TRAF3IP3: variants seen among roughly 807,000 people sequenced by gnomAD.
The protein encoded by TRAF3IP3 is TRAF3-interacting JNK-activating modulator.
Under a neutral mutation model 86.5 loss-of-function variants are expected in TRAF3IP3, and 64 were observed. That is an observed-to-expected ratio of 0.74 (90% confidence interval 0.60 to 0.91). The LOEUF is 0.91. Among genes scored for constraint, TRAF3IP3 ranks in the 40% least tolerant of loss-of-function variants. The pLI is 0.00. For missense variants in TRAF3IP3, 579 were observed against 642.9 expected, an observed-to-expected ratio of 0.90 and a Z score of 1.07; for synonymous variants, 220 against 243.9, an observed-to-expected ratio of 0.90 and a Z score of 0.91.
chr1:209,772,942 C>T lies in TRAF3IP3; in HGVS notation c.703-6C>T. 1 of 1,613,748 alleles carries T rather than the reference C, an allele frequency of 6.2e-7. No homozygotes were observed. The highest frequency in any genetic ancestry group is 8.5e-7 in the Non-Finnish European group (1 of 1,179,802). On this transcript the variant is annotated splice_polypyrimidine_tract_variant and splice_region_variant and intron_variant, in intron 8 of 16. Transcript: ENST00000367025. The stretch of plus-strand genomic sequence containing the variant: ...CAAGCTCATTAACTCATCCCATTTG[C>T]TCCAGGGACAGCTTAATGAAGACAA...
intron 1 of TRAF3IP3, chr1:209,758,372 C>A (rs1223239643): frequency 6.6e-6 from 1 of 152,152 alleles, no homozygotes; most frequent in Non-Finnish European, 1.5e-5. Flanking sequence ...CCCCTCCAAC[C>A]CTCAAGAGTC....
intron 9 of TRAF3IP3, among the ~76,000 whole-genome samples, chr1:209,773,359 T>C (rs1284715094): frequency 1.3e-5 from 2 of 152,244 alleles, no homozygotes; most frequent in Non-Finnish European, 2.9e-5. Flanking sequence ...GACAGCCCTT[T>C]ACGCATCCTA....
chr1:209,776,632 TG>T (rs757399049), intron 11 of TRAF3IP3: 17 of 129,090 alleles, frequency 1.3e-4, no homozygotes, highest in Non-Finnish European at 2.0e-4. Context: ...TAAATCTTTG[TG>T]GAAAAAAAAA....
rs144054319 is a variant in TRAF3IP3 at position 209,765,253 on chromosome 1, G to A, written c.702+1666G>A. On this transcript the variant is annotated intron_variant, in intron 8 of 16. Transcript: ENST00000367025. ...AGGAAGGAAGGAAGGAAGGAAGGAA[G>A]GAAGGAAGGAAGGAAGGAAGGAAGG... Among the ~76,000 whole-genome samples, 39 of 129,870 alleles carry A rather than the reference G, an allele frequency of 3.0e-4. 1 individual carries two copies. The highest frequency in any genetic ancestry group is 9.3e-4 in the African/African-American group (30 of 32,350). 85.2% of individuals were successfully genotyped at this position (129,870 alleles called of 152,430 possible).
At chr1:209,778,231 C>T (rs1398673122) in intron 13 of TRAF3IP3, 58 bp downstream of exon 13, 16 of 1,464,126 alleles carry the variant, frequency 1.1e-5, no homozygotes, top group African/African-American at 7.0e-5. Flanking sequence ...TCCTGGCCCA[C>T]AAAAGGCACC....
chr1:209,770,198 G>A (rs2077437045), intron 8 of TRAF3IP3, among the ~76,000 whole-genome samples: 2 of 151,184 alleles, frequency 1.3e-5, no homozygotes, highest in South Asian at 2.1e-4. Context: ...GACTTTCTGG[G>A]AAGCTCCCTT....
At chr1:209,760,730 C>T (rs1346950926) in intron 3 of TRAF3IP3, among the ~76,000 whole-genome samples, 4 of 152,052 alleles carry the variant, frequency 2.6e-5, no homozygotes, top group Non-Finnish European at 5.9e-5. Context: ...GCCAGGAGTT[C>T]GAGACCAGCC....
chr1:209,778,733 A>G (rs2077713013), intron 13 of TRAF3IP3: 1 of 155,180 alleles, frequency 6.4e-6, no homozygotes, highest in Non-Finnish European at 1.4e-5. Flanking sequence ...TTATTAAGAG[A>G]GCAAAGCAAC....
intron 6 of TRAF3IP3, 33 bp from the exon 7 acceptor site, chr1:209,763,330 G>T (rs1267373964): frequency 1.2e-6 from 2 of 1,611,074 alleles, no homozygotes; most frequent in South Asian, 2.2e-5. Context: ...GGGACTTACA[G>T]ACATTTTGAA....
chr1:209,768,385 C>T (rs1317228458), intron 8 of TRAF3IP3: 14 of 985,372 alleles, frequency 1.4e-5, no homozygotes, highest in Admixed American at 6.2e-5. Flanking sequence ...AGGGCAGAAA[C>T]AGCTCTACTA....
chr1:209,765,133 C>T (rs1017443721), intron 8 of TRAF3IP3, among the ~76,000 whole-genome samples: 8 of 146,372 alleles, frequency 5.5e-5, no homozygotes, highest in Admixed American at 2.1e-4. Flanking sequence ...GATGATAGTG[C>T]CACTACACTC....
intron 3 of TRAF3IP3, among the ~76,000 whole-genome samples, chr1:209,761,574 G>A (rs1342350861): frequency 1.4e-5 from 2 of 147,110 alleles, no homozygotes; most frequent in East Asian, 3.9e-4. Context: ...GAGCCCAGTT[G>A]CAAAAGAAAA....
At position 209,779,248 on chromosome 1, in the gene TRAF3IP3, G is replaced by A. The variant is rs78901199; in HGVS notation, c.1253-67G>A. 321 of 1,381,244 alleles carry A rather than the reference G, an allele frequency of 2.3e-4. 3 individuals are homozygous for A. The East Asian group carries it at 7.1e-3, about 31-fold the overall frequency. 85.6% of individuals were successfully genotyped at this position (1,381,244 alleles called of 1,614,324 possible). ...TTTAATAACCAAGGTTCTAAGCAAAGTTCTGAAAAGAAAACTTTTTGTAGT... is the reference window on the plus strand; with the variant it reads ...TTTAATAACCAAGGTTCTAAGCAAAATTCTGAAAAGAAAACTTTTTGTAGT... On this transcript the variant is annotated intron_variant, in intron 13 of 16. Transcript: ENST00000367025.
chr1:209,762,845 A>C lies in TRAF3IP3; in HGVS notation c.526A>C (p.Lys176Gln). ...GACAAAGGCAGAAGGACCAACAATT[A>C]AGAACGATGCCAGTCAGCAAACCAA... is the stretch of plus-strand genomic sequence containing the variant. ...TQTKAEGPTI[K>Q]NDASQQTNYG... The change falls in exon 5 of 17, where the codon AAG (lysine) becomes CAG (glutamine). Residue 176 changes from lysine to glutamine, a missense_variant. By Grantham distance (53) the Lys-to-Gln change is moderately conservative (BLOSUM62 1). Coordinates refer to ENST00000367025, the MANE Select transcript of TRAF3IP3 (RefSeq NM_025228.4). 6.2e-7 allele frequency: 1 copy of C among 1,614,148 alleles called. No individual in the cohort carries two copies. The highest frequency in any genetic ancestry group is 8.5e-7 in the Non-Finnish European group (1 of 1,180,016).
intron 9 of TRAF3IP3, among the ~76,000 whole-genome samples, chr1:209,773,751 A>G (rs973364438): frequency 7.2e-5 from 11 of 152,224 alleles, no homozygotes; most frequent in Admixed American, 3.3e-4. Context: ...TTGGTCCACA[A>G]CTTTCATTTT....
rs867515147 is a variant in TRAF3IP3, at chr1:209,765,219, G to A, written c.702+1632G>A. ...AGAGAGAGAGAGAGAGAGAGGGAGAGAGAGAGAGAGGAAGGAAGGAAGGAA... is the reference window on the plus strand; with the variant it reads ...AGAGAGAGAGAGAGAGAGAGGGAGAAAGAGAGAGAGGAAGGAAGGAAGGAA... On this transcript the variant is annotated intron_variant, in intron 8 of 16. Coordinates refer to ENST00000367025, the MANE Select transcript of TRAF3IP3 (RefSeq NM_025228.4). Among the ~76,000 whole-genome samples, 54 of 106,762 alleles carry A rather than the reference G, an allele frequency of 5.1e-4. 2 individuals carry two copies. Among genetic ancestry groups the A allele is most frequent in the African/African-American group, 2.0e-3 (48 of 23,752 alleles). The allele number at this position is 106,762 out of a possible 152,430, so 70.0% of individuals were successfully genotyped here. A position where few individuals can be genotyped will look rare whatever the true frequency, so the allele number is the denominator to read the frequency against.
intron 8 of TRAF3IP3, among the ~76,000 whole-genome samples, chr1:209,765,241 GGA>G (rs2077331696): frequency 3.2e-5 from 3 of 95,030 alleles, no homozygotes; most frequent in East Asian, 2.7e-4. Flanking sequence ...AAGGAAGGAA[GGA>G]AGGAAGGAAG....
rs756392348 is a variant in TRAF3IP3 at position 209,775,482 on chromosome 1, G to A, written c.908G>A (p.Ser303Asn). 6 of 1,614,126 alleles carry A rather than the reference G, an allele frequency of 3.7e-6. No homozygotes were observed. Among genetic ancestry groups the A allele is most frequent in the Middle Eastern group, 1.6e-4 (1 of 6,084 alleles). ...ATGAATGCAGAGCAGCAACTACAGA[G>A]CACACAGGTATGGGGATGCCACATA... The part of the protein sequence containing the change: ...EKMNAEQQLQ[S>N]TQRSLALAEQ... The change falls in exon 10 of 17, where the codon AGC (serine) becomes AAC (asparagine). Residue 303 changes from serine to asparagine, a missense_variant. Coordinates refer to ENST00000367025, the MANE Select transcript of TRAF3IP3 (RefSeq NM_025228.4).
chr1:209,780,018 G>GA (rs2077742432), intron 14 of TRAF3IP3: 1 of 158,054 alleles, frequency 6.3e-6, no homozygotes, highest in Admixed American at 6.4e-5. Flanking sequence ...GACTAAGACT[G>GA]CAGGGTGGCT....
Sources: gnomAD v4.1 joint callset for allele counts (sites outside exome capture counted in the v4.1 genomes callset) on GRCh38, gnomAD v4.1.1 for gene constraint, MANE v1.5 for transcripts, NCBI Gene and HGNC (gene_info 2026-07-23, HGNC 2026-07-21) for gene names.